ANKS1B: variants seen among roughly 807,000 people sequenced by gnomAD.
ANKS1B encodes ankyrin repeat and sterile alpha motif domain containing 1B, also known as ankyrin repeat and sterile alpha motif domain-containing protein 1B.
ANKS1B carries 36 observed loss-of-function variants against 148.3 expected under a neutral mutation model. That is an observed-to-expected ratio of 0.24 (90% CI 0.19 to 0.32). The LOEUF (loss-of-function observed/expected upper bound fraction) is 0.32, where lower values mean the gene tolerates loss of function less well. Ranked by LOEUF, ANKS1B falls within the 10% of genes least tolerant of loss-of-function variation. The probability of loss-of-function intolerance (pLI) is 1.00; values close to 1 mark genes in which losing one functional copy is unlikely to be tolerated. For synonymous variants in ANKS1B, 542 were observed against 560.8 expected, an observed-to-expected ratio of 0.97 and a Z score of 0.47; for missense variants, 1,157 against 1,542.6, an observed-to-expected ratio of 0.75 and a Z score of 4.19.
intron 17 of ANKS1B, among the ~76,000 whole-genome samples, chr12:98,966,598 A>G (rs2099878110): frequency 6.6e-6 from 1 of 152,202 alleles, no homozygotes; most frequent in Non-Finnish European, 1.5e-5. Context: ...ACACATGCAC[A>G]CATATGTGTA....
chr12:99,824,669 C>T (rs2082944447), intron 2 of ANKS1B, among the ~76,000 whole-genome samples: 1 of 152,046 alleles, frequency 6.6e-6, no homozygotes, highest in Admixed American at 6.5e-5. Context: ...CACACTTTAA[C>T]TCTGTCACTA....
chr12:99,682,302 G>T (rs553632959), intron 8 of ANKS1B, among the ~76,000 whole-genome samples: 13 of 152,272 alleles, frequency 8.5e-5, no homozygotes, highest in African/African-American at 3.1e-4. Context: ...AACAACTGCA[G>T]AATATACATT....
intron 25 of ANKS1B, among the ~76,000 whole-genome samples, chr12:98,759,868 T>G (rs1273111038): frequency 3.3e-5 from 5 of 152,034 alleles, no homozygotes; most frequent in Non-Finnish European, 7.4e-5. Flanking sequence ...TAATCCCAGC[T>G]ACTCGGGGGG....
chr12:99,026,882 C>G (rs542106137), intron 17 of ANKS1B, among the ~76,000 whole-genome samples: 1 of 152,290 alleles, frequency 6.6e-6, no homozygotes, highest in African/African-American at 2.4e-5. Context: ...TAGCTAGGAT[C>G]TAACAGTGAA....
At chr12:99,115,880 C>T (rs919016097) in intron 15 of ANKS1B, among the ~76,000 whole-genome samples, 19 of 145,310 alleles carry the variant, frequency 1.3e-4, no homozygotes, top group African/African-American at 3.1e-4. Context: ...TGCAGTGAGC[C>T]GAGATTGCAC....
chr12:99,518,807 T>C (rs2096847454), intron 9 of ANKS1B, among the ~76,000 whole-genome samples: 1 of 152,144 alleles, frequency 6.6e-6, no homozygotes, highest in Non-Finnish European at 1.5e-5. Flanking sequence ...TTCTTTAAGA[T>C]GCACCAATTG....
At chr12:99,179,352 C>A (rs2078827580) in intron 14 of ANKS1B, among the ~76,000 whole-genome samples, 1 of 148,908 alleles carries the variant, frequency 6.7e-6, no homozygotes, top group Non-Finnish European at 1.5e-5. Context: ...TGGTGTGAAC[C>A]CAGGAGATGG....
chr12:99,779,809 G>T, intron 6 of ANKS1B, 62 bp downstream of exon 6: 1 of 1,280,188 alleles, frequency 7.8e-7, no homozygotes, highest in Non-Finnish European at 1.1e-6. Context: ...AAAGAAAACT[G>T]TAACAGTTTT....
intron 12 of ANKS1B, among the ~76,000 whole-genome samples, chr12:99,303,090 A>C (rs1184277274): frequency 6.6e-6 from 1 of 152,190 alleles, no homozygotes; most frequent in East Asian, 1.9e-4. Flanking sequence ...CAAAAGGCAC[A>C]TAATACTTAT....
intron 17 of ANKS1B, among the ~76,000 whole-genome samples, chr12:98,953,537 G>GTTTTTTTTTGTTTTTTTTTTTTTTTT (rs2099857276): frequency 1.7e-5 from 1 of 57,424 alleles, no homozygotes; most frequent in East Asian, 6.4e-4. Flanking sequence ...ATCTAGAGTG[G>GTTTTTTTTTGTTTTTTTTTTTTTTTT]TTTTTTTTTT....
At chr12:98,915,878 C>G (rs150689708) in intron 17 of ANKS1B, among the ~76,000 whole-genome samples, 1 of 152,142 alleles carries the variant, frequency 6.6e-6, no homozygotes, top group Admixed American at 6.5e-5. Context: ...GCTTTCCTGC[C>G]GCCCCATCTA....
chr12:99,941,295 T>C (rs1370645314), intron 1 of ANKS1B, among the ~76,000 whole-genome samples: 1 of 152,076 alleles, frequency 6.6e-6, no homozygotes, highest in Non-Finnish European at 1.5e-5. Context: ...AAGATCTTTA[T>C]GGAATGTAGT....
intron 15 of ANKS1B, among the ~76,000 whole-genome samples, chr12:99,121,368 C>T (rs1391821087): frequency 1.1e-5 from 1 of 87,398 alleles, no homozygotes; most frequent in Non-Finnish European, 2.7e-5. Flanking sequence ...TATTTTCCCC[C>T]CAAATATACT....
At chr12:99,219,297 A>G (rs1470217444) in intron 14 of ANKS1B, among the ~76,000 whole-genome samples, 1 of 152,146 alleles carries the variant, frequency 6.6e-6, no homozygotes, top group Non-Finnish European at 1.5e-5. Context: ...CCAGTCTCTC[A>G]CTGATTTTAC....
intron 17 of ANKS1B, among the ~76,000 whole-genome samples, chr12:98,905,926 C>T (rs1194577209): frequency 6.6e-6 from 1 of 152,086 alleles, no homozygotes; most frequent in African/African-American, 2.4e-5. Context: ...GTCTATGGTG[C>T]AGTGCTGTGA....
intron 14 of ANKS1B, among the ~76,000 whole-genome samples, chr12:99,244,090 T>TAAAA (rs10539895): frequency 6.7e-6 from 1 of 148,262 alleles, no homozygotes. Context: ...TAAAAAATTC[T>TAAAA]AAAAAAAAAA....
At chr12:98,903,860 G>A (rs2099775419) in intron 17 of ANKS1B, among the ~76,000 whole-genome samples, 2 of 152,064 alleles carry the variant, frequency 1.3e-5, no homozygotes, top group South Asian at 4.1e-4. Context: ...CAGTGATAGG[G>A]AGCTCATTAC....
intron 1 of ANKS1B, among the ~76,000 whole-genome samples, chr12:99,924,311 C>T (rs2094434843): frequency 7.9e-6 from 1 of 126,290 alleles, no homozygotes; most frequent in South Asian, 2.4e-4. Flanking sequence ...TATTATTCAA[C>T]ACTGGAAGCA....
chr12:99,864,497 C>T (rs554187278), intron 1 of ANKS1B, among the ~76,000 whole-genome samples: 1 of 152,240 alleles, frequency 6.6e-6, no homozygotes, highest in African/African-American at 2.4e-5. Flanking sequence ...TGTCTTTATT[C>T]ACACTAATCT....
Sources: allele counts gnomAD v4.1 joint callset (sites outside exome capture counted in the v4.1 genomes callset), GRCh38; gene constraint gnomAD v4.1.1; transcripts MANE v1.5; gene names NCBI Gene and HGNC (gene_info 2026-07-23, HGNC 2026-07-21).